Variants in ABI3BP observed in about 807,000 individuals in gnomAD.
ABI3BP encodes target of Nesh-SH3.
Under a neutral mutation model 268.6 loss-of-function variants are expected in ABI3BP, and 216 were observed. The observed-to-expected ratio is 0.80, with a 90% CI of 0.72 to 0.90. ABI3BP has a LOEUF of 0.90. Among genes scored for constraint, ABI3BP ranks in the 40% least tolerant of loss-of-function variants. The pLI is 0.00. For synonymous variants in ABI3BP, 730 were observed against 730.0 expected (o/e 1.00, Z 0.00); for missense variants, 2,090 against 2,182.4 (o/e 0.96, Z 0.84).
At chr3:100,864,806 A>AG (rs1464072365) in intron 11 of ABI3BP, 27 bp downstream of exon 11, 1 of 1,504,750 alleles carries the variant, frequency 6.6e-7, no homozygotes, top group South Asian at 1.2e-5. Context: ...TTGTTTTTTT[A>AG]GAAAAAAAAA....
chr3:100,778,399 G>GT lies in ABI3BP; in HGVS notation c.4241-24dup, dbSNP rs150937200. 4.5e-3 allele frequency: 7,176 copies of GT among 1,589,826 alleles called. 33 individuals carry two copies. The highest frequency in any genetic ancestry group is 5.2e-3 in the Non-Finnish European group (5,988 of 1,162,420). On this transcript the variant is annotated intron_variant, in intron 58 of 67. Transcript: ENST00000471714. ...TCCCTGGGATTGTGGATAAGAGATT[G>GT]TATTTTAGATAAAGCCATCATAAAG...
intron 57 of ABI3BP, among the ~76,000 whole-genome samples, chr3:100,785,015 A>G (rs1436126126): frequency 6.6e-6 from 1 of 152,184 alleles, no homozygotes; most frequent in African/African-American, 2.4e-5. Context: ...AAAACCATTC[A>G]TGTTTATCCA....
intron 2 of ABI3BP, among the ~76,000 whole-genome samples, chr3:100,907,573 A>G (rs1269706946): frequency 6.6e-6 from 1 of 152,222 alleles, no homozygotes; most frequent in African/African-American, 2.4e-5. Context: ...TCTAGAAAGC[A>G]GAGTTTGTGT....
intron 1 of ABI3BP, among the ~76,000 whole-genome samples, chr3:100,964,465 T>C (rs992845960): frequency 5.3e-5 from 8 of 152,206 alleles, no homozygotes; most frequent in Non-Finnish European, 1.0e-4. Context: ...TGGAGAGCGC[T>C]GTTGTTCTTT....
At chr3:100,845,737 A>AT (rs1384657341) in intron 20 of ABI3BP, among the ~76,000 whole-genome samples, 4 of 151,780 alleles carry the variant, frequency 2.6e-5, no homozygotes, top group Admixed American at 2.6e-4. Flanking sequence ...TTACAGATAG[A>AT]TAAAAAAAAC....
intron 1 of ABI3BP, among the ~76,000 whole-genome samples, chr3:100,971,637 A>G (rs1267805893): frequency 2.0e-5 from 3 of 152,154 alleles, no homozygotes; most frequent in Non-Finnish European, 2.9e-5. Flanking sequence ...TATGCTCACC[A>G]CTTGTTCTAG....
intron 53 of ABI3BP, 101 bp downstream of exon 53, chr3:100,795,703 G>C: frequency 1.1e-6 from 1 of 899,070 alleles, no homozygotes; most frequent in Non-Finnish European, 1.5e-6. Flanking sequence ...ATGATGAATG[G>C]ATTGAGAAGA....
chr3:100,984,281 G>A (rs1312390084), intron 1 of ABI3BP, among the ~76,000 whole-genome samples: 1 of 152,060 alleles, frequency 6.6e-6, no homozygotes, highest in African/African-American at 2.4e-5. Flanking sequence ...GCCTGTATTG[G>A]GATATACATT....
At chr3:100,853,408 A>G (rs1247184975) in intron 14 of ABI3BP, among the ~76,000 whole-genome samples, 1 of 152,194 alleles carries the variant, frequency 6.6e-6, no homozygotes, top group Non-Finnish European at 1.5e-5. Context: ...TTTTCAGCCA[A>G]TTTCAAGTCA....
intron 6 of ABI3BP, among the ~76,000 whole-genome samples, chr3:100,879,820 C>T (rs1487565265): frequency 6.6e-6 from 1 of 152,142 alleles, no homozygotes; most frequent in Non-Finnish European, 1.5e-5. Context: ...TACTAATGAG[C>T]AAATAGCTGC....
At chr3:100,987,703 A>T (rs2092172934) in intron 1 of ABI3BP, among the ~76,000 whole-genome samples, 1 of 152,188 alleles carries the variant, frequency 6.6e-6, no homozygotes. Flanking sequence ...ATTTTTATGC[A>T]GCAATAGATA....
rs550202161 is a variant in ABI3BP at position 100,985,243 on chromosome 3, G to A, written c.79+8063C>T. ...CAGCTCACTGTCACCTCTGCCTCCC[G>A]GGTTCAAGCGATTCTCCTGCCTCAG... On this transcript the variant is annotated intron_variant, in intron 1 of 67. Transcript: ENST00000471714. Among the ~76,000 whole-genome samples, 9 of 144,786 alleles carry A rather than the reference G, an allele frequency of 6.2e-5. No homozygotes were observed. In the South Asian group the frequency reaches 8.8e-4, roughly 14 times the overall value. The allele number at this position is 144,786 out of a possible 152,430, so 95.0% of individuals were successfully genotyped here. A position where few individuals can be genotyped will look rare whatever the true frequency, so the allele number is the denominator to read the frequency against.
Position 100,796,425 on chromosome 3 carries a change from G to A in ABI3BP, c.3801C>T (p.Val1267=). 1 of 1,597,830 alleles carries A rather than the reference G, an allele frequency of 6.3e-7. No individual in the cohort carries two copies. The highest frequency in any genetic ancestry group is 8.5e-7 in the Non-Finnish European group (1 of 1,172,474). ...VLLPHKPYPE[V]SQSEPVLQPV... is the part of the protein sequence containing the mutation. ...TTAATTTACCAGGTTCGCTCTGAGA[G>A]ACCTCAGGGTATGGTTTATGAGGAA... The change falls in exon 52 of 68, where the codon GTC becomes GTT. Residue 1267 remains valine (V), a synonymous_variant. Coordinates refer to ENST00000471714, the MANE Select transcript of ABI3BP (RefSeq NM_001375547.2).
intron 59 of ABI3BP, 136 bp downstream of exon 59, chr3:100,778,148 T>G: frequency 1.3e-6 from 1 of 792,508 alleles, no homozygotes. Context: ...TCATTTACAG[T>G]GTCTAGTCTT....
At chr3:100,921,940 A>G (rs1015819955) in intron 2 of ABI3BP, among the ~76,000 whole-genome samples, 1 of 152,270 alleles carries the variant, frequency 6.6e-6, no homozygotes, top group African/African-American at 2.4e-5. Flanking sequence ...GATGGTAAAC[A>G]TATCATTAAA....
At chr3:100,824,808 T>G (rs1346846439) in intron 36 of ABI3BP, 50 bp downstream of exon 36, 1 of 1,467,974 alleles carries the variant, frequency 6.8e-7, no homozygotes, top group Non-Finnish European at 9.2e-7. Flanking sequence ...CAGTCCCCAC[T>G]GCGACAGGCT....
Position 100,818,588 on chromosome 3 carries a change from A to G in ABI3BP, c.3032-7T>C. On this transcript the variant is annotated splice_region_variant and splice_polypyrimidine_tract_variant and intron_variant, in intron 40 of 67. Coordinates refer to ENST00000471714, the MANE Select transcript of ABI3BP (RefSeq NM_001375547.2). ...TCAAGATCTGTAGAAGGAACTAATT[A>G]AAAGCAATGAAATAAACTTGTGAAA... The G allele has an allele frequency of 6.5e-7, 1 of 1,532,930 alleles. No homozygotes were observed. Among genetic ancestry groups the G allele is most frequent in the East Asian group, 2.4e-5 (1 of 40,858 alleles). 95.0% of individuals were successfully genotyped at this position (1,532,930 alleles called of 1,614,324 possible).
chr3:100,993,223 A>C, intron 1 of ABI3BP, 83 bp downstream of exon 1: 1 of 1,009,150 alleles, frequency 9.9e-7, no homozygotes, highest in Non-Finnish European at 1.5e-6. Flanking sequence ...CCGTATGGTA[A>C]AGCAGATCAT....
intron 18 of ABI3BP, 41 bp downstream of exon 18, chr3:100,848,760 A>G (rs758043548): frequency 8.3e-6 from 13 of 1,570,128 alleles, no homozygotes; most frequent in Middle Eastern, 1.7e-4. Context: ...GACATTGTCT[A>G]TCTGGAATTA....
Sources: allele counts gnomAD v4.1 joint callset (sites outside exome capture counted in the v4.1 genomes callset), GRCh38; gene constraint gnomAD v4.1.1; transcripts MANE v1.5; gene names NCBI Gene and HGNC (gene_info 2026-07-23, HGNC 2026-07-21).